DNAAF1: variants seen among roughly 807,000 people sequenced by gnomAD.
DNAAF1 encodes the protein dynein axonemal assembly factor 1, also known as dynein assembly factor 1, axonemal.
In DNAAF1, 65 loss-of-function variants were observed where a neutral mutation model predicts 71.1. The observed-to-expected ratio is 0.91, with a 90% CI of 0.75 to 1.12. The LOEUF is 1.12. Ranked by LOEUF, DNAAF1 falls within the 50% of genes most tolerant of loss-of-function variation. The pLI is 0.00. For missense variants in DNAAF1, 1,178 were observed against 899.8 expected, an observed-to-expected ratio of 1.31 and a Z score of -3.96; for synonymous variants, 414 against 354.6, an observed-to-expected ratio of 1.17 and a Z score of -1.88.
At chr16:84,160,681 T>A (rs565132122) in intron 6 of DNAAF1, among the ~76,000 whole-genome samples, 41 of 152,210 alleles carry the variant, frequency 2.7e-4, no homozygotes, top group African/African-American at 9.4e-4. Context: ...ATGTCTGTAA[T>A]CCCAGCACTT....
chr16:84,150,142 A>G, intron 2 of DNAAF1, 109 bp from the exon 3 acceptor site: 1 of 767,780 alleles, frequency 1.3e-6, no homozygotes, highest in Admixed American at 1.9e-5. Context: ...TCAGGGATAT[A>G]GGATGTTATA....
At chr16:84,151,115 C>A (rs952238259) in intron 3 of DNAAF1, among the ~76,000 whole-genome samples, 1 of 152,124 alleles carries the variant, frequency 6.6e-6, no homozygotes, top group African/African-American at 2.4e-5. Flanking sequence ...ACAGACAGGG[C>A]TTTTCCCAGC....
rs757177165 is a variant in DNAAF1, at chr16:84,176,103, C to T, written c.1869C>T (p.Asp623=). ...AGGCGGCTCGGGTGCCCTTCACAGA[C>T]ATCTTTAAAAAAGAAGCTAAGAGGG... ...TSKAARVPFT[D]IFKKEAKRDL... The change falls in exon 11 of 12, where the codon GAC becomes GAT. Residue 623 remains aspartate, a synonymous_variant. Coordinates refer to ENST00000378553, the MANE Select transcript of DNAAF1 (RefSeq NM_178452.6). 2 of 1,613,972 alleles carry T rather than the reference C, an allele frequency of 1.2e-6. No homozygotes were observed. The highest frequency in any genetic ancestry group is 4.5e-5 in the East Asian group (2 of 44,864).
intron 8 of DNAAF1, among the ~76,000 whole-genome samples, chr16:84,171,268 T>G (rs1264561702): frequency 6.6e-6 from 1 of 152,018 alleles, no homozygotes; most frequent in Non-Finnish European, 1.5e-5. Context: ...AGAAGCCCCC[T>G]TCCCCGCAAC....
intron 1 of DNAAF1, among the ~76,000 whole-genome samples, chr16:84,147,565 C>G (rs2086971019): frequency 6.6e-6 from 1 of 151,820 alleles, no homozygotes; most frequent in Admixed American, 6.6e-5. Context: ...CAGGCTAGAT[C>G]TTCCTGCCTC....
At position 84,170,088 on chromosome 16, in the gene DNAAF1, C is replaced by T. The variant is rs780169752; in HGVS notation, c.1260C>T (p.Thr420=). ...CAGAGGGGACCCTCCCAGCTGAGAC[C>T]CTGCTACTGTCGTCACCTGTGGAGG... is the stretch of plus-strand genomic sequence containing the variant. The part of the protein sequence containing the change: ...PEPEGTLPAE[T]LLLSSPVEVK... Residue 420 remains threonine, a synonymous_variant, in exon 8 of 12, where the codon ACC becomes ACT. Coordinates refer to ENST00000378553, the MANE Select transcript of DNAAF1 (RefSeq NM_178452.6). The T allele has an allele frequency of 1.9e-6, 3 of 1,591,024 alleles. No homozygotes were observed. In the Admixed American group the frequency reaches 5.1e-5, roughly 27 times the overall value.
At position 84,159,742 on chromosome 16, in the gene DNAAF1, T is replaced by A. The variant is rs2087614393; in HGVS notation, c.809T>A (p.Val270Glu). 6.2e-7 allele frequency: 1 copy of A among 1,613,984 alleles called. No individual in the cohort carries two copies. ...QIPNYRRTVT[V>E]RLKHLTYLDD... is the part of the protein sequence containing the mutation. ...CCTAATTACAGAAGGACAGTCACTG[T>A]ACGACTAAAGCACTTAACATACCTG... The change falls in exon 6 of 12, where the codon GTA becomes GAA. Residue 270 changes from valine (V) to glutamate (E), a missense_variant. Coordinates refer to ENST00000378553, the MANE Select transcript of DNAAF1 (RefSeq NM_178452.6).
chr16:84,161,826 C>T lies in DNAAF1; in HGVS notation c.863+2030C>T, dbSNP rs147781008. 5.3e-5 allele frequency among the ~76,000 whole-genome samples: 8 copies of T among 152,146 alleles called. No homozygotes were observed. In the East Asian group the frequency reaches 1.5e-3, roughly 29 times the overall value. On this transcript the variant is annotated intron_variant, in intron 6 of 11. Transcript: ENST00000378553. ...GTACCTTCTCCACTTGATGTCTCTT[C>T]GGCCTGATTTGATTTCCTTTTAGGA...
Position 84,170,178 on chromosome 16 carries a change from GC to G in DNAAF1, c.1352del (p.Pro451HisfsTer29), listed in dbSNP as rs1567561332. The G allele has an allele frequency of 6.2e-7, 1 of 1,611,674 alleles. No individual in the cohort carries two copies. The highest frequency in any genetic ancestry group is 1.3e-5 in the African/African-American group (1 of 74,604). ...TLPAEAPPPP[P>X]PVEVKGEDGD... ...TCCCAGCTGAGGCCCCACCACCCCC[GC>G]CACCTGTGGAGGTTAAAGGAGAGGA... On this transcript the variant is annotated frameshift_variant, in exon 8 of 12. Transcript: ENST00000378553. LOFTEE classifies it high-confidence loss of function.
chr16:84,157,452 G>A (rs2087493205), intron 5 of DNAAF1, among the ~76,000 whole-genome samples: 1 of 150,542 alleles, frequency 6.6e-6, no homozygotes, highest in Admixed American at 6.6e-5. Context: ...GAACCCAGGA[G>A]GCATTGCAGT....
chr16:84,154,512 G>A (rs894843628), intron 3 of DNAAF1, 65 bp from the exon 4 acceptor site: 33 of 1,447,650 alleles, frequency 2.3e-5, no homozygotes, highest in Non-Finnish European at 3.0e-5. Flanking sequence ...GCAAAAACAA[G>A]GGTGACCGTG....
Position 84,150,286 on chromosome 16 carries a change from A to T in DNAAF1, c.296A>T (p.Gln99Leu), listed in dbSNP as rs748146714. 3.1e-6 allele frequency: 5 copies of T among 1,614,116 alleles called. No individual in the cohort carries two copies. In the East Asian group the frequency reaches 1.1e-4, roughly 36 times the overall value. ...TKSSLQKLCK[Q>L]HKLYITPALN... ...AGTTCCCTGCAAAAACTCTGCAAGCAGCACAAGCTTTATATTACCCCAGCA... is the reference window on the plus strand; with the variant it reads ...AGTTCCCTGCAAAAACTCTGCAAGCTGCACAAGCTTTATATTACCCCAGCA... The change falls in exon 3 of 12, where the codon CAG (glutamine) becomes CTG (leucine). Residue 99 changes from glutamine (Q) to leucine (L), a missense_variant. Coordinates refer to ENST00000378553, the MANE Select transcript of DNAAF1 (RefSeq NM_178452.6).
At position 84,170,069 on chromosome 16, in the gene DNAAF1, G is replaced by T. The variant is rs142105097; in HGVS notation, c.1241G>T (p.Gly414Val). ...GAGGATGGAGGTCCAGAGCCAGAGG[G>T]GACCCTCCCAGCTGAGACCCTGCTA... Reference protein sequence around the residue: ...KREDGGPEPEGTLPAETLLLS... With the variant: ...KREDGGPEPEVTLPAETLLLS... Residue 414 changes from glycine (G) to valine (V), a missense_variant, in exon 8 of 12, where the codon GGG becomes GTG. Physicochemically the swap from Gly to Val is moderately radical, Grantham distance 109. Coordinates refer to ENST00000378553, the MANE Select transcript of DNAAF1 (RefSeq NM_178452.6). 1.3e-4 allele frequency: 203 copies of T among 1,613,496 alleles called. No individual in the cohort carries two copies. The highest frequency in any genetic ancestry group is 8.7e-4 in the Middle Eastern group (5 of 5,776).
Position 84,145,450 on chromosome 16 carries a change from G to C in DNAAF1, c.10G>C (p.Glu4Gln), listed in dbSNP as rs201750320. The change falls in exon 1 of 12, where the codon GAG becomes CAG. Residue 4 changes from glutamate to glutamine, a missense_variant. Physicochemically the swap from Glu to Gln is conservative, Grantham distance 29 (BLOSUM62 2). Transcript: ENST00000378553. ...TGTCGCCGAAGTAAACATGCACCCT[G>C]AGCCCTCGGAGCCTGCGACAGGTGG... MHP[E>Q]PSEPATGGAA... 3 of 1,580,316 alleles carry C rather than the reference G, an allele frequency of 1.9e-6. No individual in the cohort carries two copies. The African/African-American group carries it at 4.0e-5, about 21-fold the overall frequency.
At chr16:84,156,753 G>A (rs963612206) in intron 5 of DNAAF1, among the ~76,000 whole-genome samples, 3 of 151,928 alleles carry the variant, frequency 2.0e-5, no homozygotes, top group Non-Finnish European at 4.4e-5. Context: ...AGTGGTTCAT[G>A]CAGTTCATGC....
At chr16:84,172,563 C>T in intron 9 of DNAAF1, 188 bp downstream of exon 9, 1 of 1,427,942 alleles carries the variant, frequency 7.0e-7, no homozygotes, top group African/African-American at 1.4e-5. Context: ...TGATTAGAAT[C>T]CAACTTTCAT....
In DNAAF1 at chr16:84,172,266, C is replaced by G. The variant is rs188354520; in HGVS notation, c.1535C>G (p.Thr512Ser). The G allele has an allele frequency of 1.6e-5, 26 of 1,614,020 alleles. No homozygotes were observed. The highest frequency in any genetic ancestry group is 1.6e-4 in the Middle Eastern group (1 of 6,062). Residue 512 changes from threonine (T) to serine (S), a missense_variant, in exon 9 of 12, where the codon ACT (threonine) becomes AGT (serine). Thr to Ser is a moderately conservative substitution (Grantham distance 58, BLOSUM62 1). Coordinates refer to ENST00000378553, the MANE Select transcript of DNAAF1 (RefSeq NM_178452.6). Reference sequence around the variant, plus strand: ...ACTTGTTGTTGCTCTTTAGAACCGACTCCCCAGGCTGTGGCCACTGAGGGT... The same window carrying G: ...ACTTGTTGTTGCTCTTTAGAACCGAGTCCCCAGGCTGTGGCCACTGAGGGT... ...PPLGAAREEP[T>S]PQAVATEGVF...
In DNAAF1 at chr16:84,159,681, C is replaced by G; in HGVS notation, c.748C>G (p.Leu250Val). 1 of 1,612,348 alleles carries G rather than the reference C, an allele frequency of 6.2e-7. No homozygotes were observed. Among genetic ancestry groups the G allele is most frequent in the Non-Finnish European group, 8.5e-7 (1 of 1,178,956 alleles). Residue 250 changes from leucine (L) to valine (V), a missense_variant, in exon 6 of 12, where the codon CTG (leucine) becomes GTG (valine). Transcript: ENST00000378553. ...ILESMPDLRV[L>V]NLMGNPVIRQ... is the part of the protein sequence containing the mutation. ...TCTGCTTGTCTTCTTGCAGCGTGTA[C>G]TGAATTTGATGGGAAACCCGGTTAT...
intron 4 of DNAAF1, among the ~76,000 whole-genome samples, chr16:84,155,145 T>C (rs8051633): frequency 6.6e-6 from 1 of 152,310 alleles, no homozygotes; most frequent in South Asian, 2.1e-4. Context: ...CCTGACCTCG[T>C]GATCCGCCCG....
Sources: allele counts gnomAD v4.1 joint callset (sites outside exome capture counted in the v4.1 genomes callset), GRCh38; gene constraint gnomAD v4.1.1; transcripts MANE v1.5; gene names NCBI Gene and HGNC (gene_info 2026-07-23, HGNC 2026-07-21).